Variants in FRMD4A observed in about 807,000 individuals in gnomAD.
FRMD4A encodes FERM domain-containing protein 4A.
A neutral mutation model predicts 129.1 loss-of-function variants in FRMD4A; 29 were observed. That is an observed-to-expected ratio of 0.22 (90% CI 0.17 to 0.31). The LOEUF (loss-of-function observed/expected upper bound fraction) is 0.31, where lower values mean the gene tolerates loss of function less well. Ranked by LOEUF, FRMD4A falls within the 10% of genes least tolerant of loss-of-function variation. The pLI, the probability that FRMD4A is intolerant of heterozygous loss-of-function variation, is 1.00. For synonymous variants in FRMD4A, 634 were observed against 571.6 expected, an observed-to-expected ratio of 1.11 and a Z score of -1.56; for missense variants, 1,272 against 1,375.8, an observed-to-expected ratio of 0.92 and a Z score of 1.19.
At chr10:13,758,316 T>C (rs979274019) in intron 8 of FRMD4A, among the ~76,000 whole-genome samples, 4 of 152,220 alleles carry the variant, frequency 2.6e-5, no homozygotes, top group Admixed American at 6.5e-5. Flanking sequence ...AGAAGATCTT[T>C]GAGTTCAGCC....
intron 15 of FRMD4A, among the ~76,000 whole-genome samples, chr10:13,688,622 C>CA (rs2085338782): frequency 6.6e-6 from 1 of 151,966 alleles, no homozygotes; most frequent in Non-Finnish European, 1.5e-5. Context: ...AAAAATGAAG[C>CA]AAAATCTACA....
At chr10:14,029,865 G>A (rs1309465042) in intron 2 of FRMD4A, among the ~76,000 whole-genome samples, 1 of 149,052 alleles carries the variant, frequency 6.7e-6, no homozygotes, top group Non-Finnish European at 1.5e-5. Flanking sequence ...GTTGATTTTT[G>A]TATATGGTAT....
At position 14,206,809 on chromosome 10, in the gene FRMD4A, C is replaced by CAAAAAAAAAAAAAA. The variant is rs57029013; in HGVS notation, c.45+123248_45+123249insTTTTTTTTTTTTTT. ...TGGATGACAGAGTGAGACGCTATCT[C>CAAAAAAAAAAAAAA]AAAAAAAAAAAAGAGAGACAGAGAA... is the stretch of plus-strand genomic sequence containing the variant. On this transcript the variant is annotated intron_variant, in intron 2 of 24. Coordinates refer to ENST00000357447, the MANE Select transcript of FRMD4A (RefSeq NM_018027.5). Among the ~76,000 whole-genome samples, 103 of 43,058 alleles carry CAAAAAAAAAAAAAA rather than the reference C, an allele frequency of 2.4e-3. 14 individuals carry two copies. The highest frequency in any genetic ancestry group is 8.5e-3 in the African/African-American group (80 of 9,376). The allele number at this position is 43,058 out of a possible 152,430, so 28.2% of individuals were successfully genotyped here. A position where few individuals can be genotyped will look rare whatever the true frequency, so the allele number is the denominator to read the frequency against.
intron 5 of FRMD4A, among the ~76,000 whole-genome samples, chr10:13,795,086 G>A (rs1350186781): frequency 6.6e-6 from 1 of 152,120 alleles, no homozygotes; most frequent in Non-Finnish European, 1.5e-5. Context: ...GGCTAATGTT[G>A]GTGAACATCA....
Position 14,273,722 on chromosome 10 carries a change from G to A in FRMD4A, c.45+56336C>T, listed in dbSNP as rs534706017. ...TTCTAGGTGGTCAATGGAGTCTCCA[G>A]GGTTCTTGTTTGCAATGGGGCTCCA... On this transcript the variant is annotated intron_variant, in intron 2 of 24. Transcript: ENST00000357447. Among the ~76,000 whole-genome samples, 5 of 152,238 alleles carry A rather than the reference G, an allele frequency of 3.3e-5. No homozygotes were observed. The East Asian group carries it at 9.6e-4, about 29-fold the overall frequency.
chr10:14,172,737 C>T (rs1263310463), intron 2 of FRMD4A, among the ~76,000 whole-genome samples: 1 of 152,192 alleles, frequency 6.6e-6, no homozygotes, highest in Non-Finnish European at 1.5e-5. Context: ...CATGAAACAG[C>T]ACCTTGGATT....
rs1589162299 is a variant in FRMD4A, at chr10:13,645,234, TTTG to T, written c.*1801_*1803del. 1 of 152,228 alleles carries T rather than the reference TTTG, an allele frequency of 6.6e-6. No individual in the cohort carries two copies. Among genetic ancestry groups the T allele is most frequent in the Admixed American group, 6.5e-5 (1 of 15,282 alleles). The allele number at this position is 152,228 out of a possible 1,614,324, so 9.4% of individuals were successfully genotyped here. ...CATACATGAAAAGCGAAGATTTTTC[TTTG>T]TTTTTATGCTTAAGCTAACTTCAGT... On this transcript the variant is annotated 3_prime_UTR_variant, in exon 25 of 25. Transcript: ENST00000357447.
At chr10:13,740,662 A>G (rs1245609198) in intron 9 of FRMD4A, 85 bp from the exon 10 acceptor site, 4 of 734,556 alleles carry the variant, frequency 5.4e-6, no homozygotes, top group Non-Finnish European at 9.5e-6. Flanking sequence ...TCTCAGCCCC[A>G]TCTCATAAGA....
At chr10:13,699,810 G>C (rs557457801) in intron 14 of FRMD4A, among the ~76,000 whole-genome samples, 3 of 152,062 alleles carry the variant, frequency 2.0e-5, no homozygotes, top group Non-Finnish European at 4.4e-5. Context: ...TGTCAATATC[G>C]AGCATGAGTC....
At chr10:14,106,133 C>A (rs1225619599) in intron 2 of FRMD4A, among the ~76,000 whole-genome samples, 1 of 152,148 alleles carries the variant, frequency 6.6e-6, no homozygotes, top group East Asian at 1.9e-4. Flanking sequence ...CAATTTTTAC[C>A]ATGCCTAGCA....
At chr10:14,082,198 G>T (rs374215208) in intron 2 of FRMD4A, among the ~76,000 whole-genome samples, 1 of 152,106 alleles carries the variant, frequency 6.6e-6, no homozygotes, top group South Asian at 2.1e-4. Flanking sequence ...AGTGAGCCGA[G>T]ATTGCACCAC....
intron 7 of FRMD4A, among the ~76,000 whole-genome samples, 195 bp from the exon 8 acceptor site, chr10:13,761,864 C>G (rs17153950): frequency 6.6e-6 from 1 of 152,172 alleles, no homozygotes; most frequent in Non-Finnish European, 1.5e-5. Flanking sequence ...AAATATGAAA[C>G]TAAACTCTAG....
At chr10:13,997,220 T>C (rs1230961774) in intron 2 of FRMD4A, among the ~76,000 whole-genome samples, 2 of 152,130 alleles carry the variant, frequency 1.3e-5, no homozygotes, top group African/African-American at 4.8e-5. Flanking sequence ...TCTGACATAG[T>C]GGCTGAAGGG....
chr10:14,176,758 C>T (rs1016316833), intron 2 of FRMD4A, among the ~76,000 whole-genome samples: 2 of 152,158 alleles, frequency 1.3e-5, no homozygotes. Context: ...AGGCATGAGC[C>T]ACTGCACCCA....
intron 3 of FRMD4A, among the ~76,000 whole-genome samples, chr10:13,842,343 T>C (rs185108339): frequency 2.0e-5 from 3 of 152,362 alleles, no homozygotes; most frequent in Admixed American, 2.0e-4. Flanking sequence ...TCATGAACTT[T>C]TGTCTCTGCT....
chr10:13,833,681 C>A (rs933999705), intron 3 of FRMD4A, among the ~76,000 whole-genome samples: 6 of 151,994 alleles, frequency 3.9e-5, no homozygotes, highest in African/African-American at 1.4e-4. Flanking sequence ...AGCCTTCTAA[C>A]AGAGAAAGCC....
chr10:13,897,611 A>G (rs1345056474), intron 2 of FRMD4A, among the ~76,000 whole-genome samples: 2 of 152,214 alleles, frequency 1.3e-5, no homozygotes, highest in Non-Finnish European at 2.9e-5. Flanking sequence ...TGGGAGCTAA[A>G]TTCTAAGATA....
At chr10:14,190,238 C>T (rs1430119021) in intron 2 of FRMD4A, among the ~76,000 whole-genome samples, 1 of 152,192 alleles carries the variant, frequency 6.6e-6, no homozygotes, top group East Asian at 1.9e-4. Flanking sequence ...ACAGTAGTTT[C>T]TTCACAGCAA....
chr10:13,952,416 A>C lies in FRMD4A; in HGVS notation c.46-93504T>G, dbSNP rs141073884. Among the ~76,000 whole-genome samples the C allele has an allele frequency of 6.5e-3, 995 of 152,142 alleles. 14 individuals carry two copies. Among genetic ancestry groups the C allele is most frequent in the African/African-American group, 0.023 (944 of 41,508 alleles). ...CTTGGGAGGCTGAGGATGGAGGATCACTTGAGCCCAGGAGTTGGAGGCTGC... is the reference window on the plus strand; with the variant it reads ...CTTGGGAGGCTGAGGATGGAGGATCCCTTGAGCCCAGGAGTTGGAGGCTGC... On this transcript the variant is annotated intron_variant, in intron 2 of 24. Transcript: ENST00000357447.
Sources: gnomAD v4.1 joint callset for allele counts (sites outside exome capture counted in the v4.1 genomes callset) on GRCh38, gnomAD v4.1.1 for gene constraint, MANE v1.5 for transcripts, NCBI Gene and HGNC (gene_info 2026-07-23, HGNC 2026-07-21) for gene names.